Variants in AQP12B observed in about 807,000 individuals in gnomAD.
AQP12B encodes the protein aquaporin 12B, also known as putative aquaporin-12B.
AQP12B carries 8 observed loss-of-function variants against 11.5 expected under a neutral mutation model. The ratio of observed to expected loss-of-function variants is 0.70; its 90% CI spans 0.41 to 1.26. The LOEUF is 1.26. Among genes scored for constraint, AQP12B ranks in the 50% most tolerant of loss-of-function variants. The pLI is 0.01. For missense variants in AQP12B, 247 were observed against 322.0 expected, an observed-to-expected ratio of 0.77 and a Z score of 1.78; for synonymous variants, 123 against 158.0, an observed-to-expected ratio of 0.78 and a Z score of 1.66.
chr2:240,682,844 G>T lies in AQP12B; in HGVS notation c.-7C>A, dbSNP rs746086433. 22 of 1,574,994 alleles carry T rather than the reference G, an allele frequency of 1.4e-5. 1 individual carries two copies. The highest frequency in any genetic ancestry group is 1.8e-4 in the Middle Eastern group (1 of 5,620). Reference sequence around the variant, plus strand: ...ACACGTTAAGACCTGCCATCGGCCTGGGCCCCCCGAGATGCTGTGCCTGCA... The same window carrying T: ...ACACGTTAAGACCTGCCATCGGCCTTGGCCCCCCGAGATGCTGTGCCTGCA... On this transcript the variant is annotated 5_prime_UTR_variant, in exon 1 of 3. Transcript: ENST00000407834.
Position 240,682,516 on chromosome 2 carries a change from G to C in AQP12B, c.322C>G (p.Leu108Val), listed in dbSNP as rs776450045. The change falls in exon 1 of 3, where the codon CTG becomes GTG. Residue 108 changes from leucine (L) to valine (V), a missense_variant. Leu to Val is a conservative substitution (Grantham distance 32, BLOSUM62 1). This residue lies in a region of AQP12B where 206 missense variants were observed against 173.2 expected (regional missense o/e 1.19). Transcript: ENST00000407834. ...GCCAGCTTCAGCAGCGTGCCAGGCA[G>C]AGACTCCTCGGCCATGAGGAACTCC... ...LQEFLMAEES[L>V]PGTLLKLAAQ... The C allele has an allele frequency of 2.4e-5, 39 of 1,612,564 alleles. No homozygotes were observed. The highest frequency in any genetic ancestry group is 3.3e-5 in the Non-Finnish European group (39 of 1,179,744).
chr2:240,683,176 A>C (rs1968424), upstream of AQP12B, among the ~76,000 whole-genome samples: 102,280 of 138,314 alleles, frequency 0.74, 37,086 homozygotes, highest in Middle Eastern at 0.84. Flanking sequence ...GCTCTTGGGT[A>C]CCGGACCCCA....
intron 1 of AQP12B, among the ~76,000 whole-genome samples, chr2:240,680,899 CAGAG>C (rs922471411): frequency 1.6e-5 from 1 of 63,922 alleles, no homozygotes; most frequent in Non-Finnish European, 2.7e-5. Flanking sequence ...AGAGGAGAGA[CAGAG>C]AGAGAGAGGA....
Position 240,682,524 on chromosome 2 carries a change from T to C in AQP12B, c.314A>G (p.Glu105Gly), listed in dbSNP as rs2043944383. The change falls in exon 1 of 3, where the codon GAG becomes GGG. Residue 105 changes from glutamate to glycine, a missense_variant. Glu to Gly is a moderately conservative substitution (Grantham distance 98, BLOSUM62 -2). This residue lies in a region of AQP12B where 206 missense variants were observed against 173.2 expected (regional missense o/e 1.19). Coordinates refer to ENST00000407834, the MANE Select transcript of AQP12B (RefSeq NM_001102467.2). ...TVSLQEFLMA[E>G]ESLPGTLLKL... ...CAGCAGCGTGCCAGGCAGAGACTCC[T>C]CGGCCATGAGGAACTCCTGCAGGGA... The C allele has an allele frequency of 6.2e-7, 1 of 1,612,892 alleles. No homozygotes were observed. Among genetic ancestry groups the C allele is most frequent in the East Asian group, 2.2e-5 (1 of 44,852 alleles).
upstream of AQP12B, among the ~76,000 whole-genome samples, chr2:240,683,107 C>T (rs969222221): frequency 2.2e-4 from 34 of 151,420 alleles, no homozygotes; most frequent in African/African-American, 7.7e-4. Context: ...CAGCCCTGGG[C>T]GCTGGAGACT....
At chr2:240,680,943 G>A in intron 1 of AQP12B, among the ~76,000 whole-genome samples, 1 of 89,696 alleles carries the variant, frequency 1.1e-5, no homozygotes, top group Non-Finnish European at 2.0e-5. Context: ...GAGACAGAGA[G>A]AGAGAGGAGA....
chr2:240,682,990 A>G (rs371158712), upstream of AQP12B: 36 of 967,602 alleles, frequency 3.7e-5, no homozygotes, highest in South Asian at 2.8e-4. Flanking sequence ...CTCCCGCCCC[A>G]CTGGCTGCCA....
intron 2 of AQP12B, chr2:240,679,423 G>A: frequency 3.5e-6 from 1 of 286,738 alleles, no homozygotes; most frequent in Non-Finnish European, 6.3e-6. Context: ...CTAGGACCCT[G>A]CACATGCCTG....
At chr2:240,683,589 C>T (rs2043975846), upstream of AQP12B, among the ~76,000 whole-genome samples, 5 of 151,618 alleles carry the variant, frequency 3.3e-5, no homozygotes, top group South Asian at 1.0e-3. Flanking sequence ...ATTCTTGGCT[C>T]CCTGCACCTC....
In AQP12B at chr2:240,682,721, C is replaced by T; in HGVS notation, c.117G>A (p.Arg39=). Residue 39 remains arginine (R), a synonymous_variant, in exon 1 of 3, where the codon CGG becomes CGA. Transcript: ENST00000407834. Reference sequence around the variant, plus strand: ...CGAGCTGCACCGCGCCCACCGCCTCCCGGGCGAAGACTTCATAGGCGCCCA... The same window carrying T: ...CGAGCTGCACCGCGCCCACCGCCTCTCGGGCGAAGACTTCATAGGCGCCCA... ...LPVGAYEVFA[R]EAVGAVQLGA... 9 of 1,613,532 alleles carry T rather than the reference C, an allele frequency of 5.6e-6. No homozygotes were observed. Among genetic ancestry groups the T allele is most frequent in the Non-Finnish European group, 7.6e-6 (9 of 1,179,796 alleles).
rs560641543 is a variant in AQP12B, at chr2:240,682,704, A to C, written c.134T>G (p.Val45Gly). The C allele has an allele frequency of 6.2e-7, 1 of 1,613,062 alleles. No individual in the cohort carries two copies. ...CTCCAGGAAGCAGGCCCCGAGCTGC[A>C]CCGCGCCCACCGCCTCCCGGGCGAA... ...EVFAREAVGA[V>G]QLGACFLEMR... Residue 45 changes from valine (V) to glycine (G), a missense_variant, in exon 1 of 3, where the codon GTG becomes GGG. Transcript: ENST00000407834.
At chr2:240,682,999 C>A, upstream of AQP12B, 1 of 885,878 alleles carries the variant, frequency 1.1e-6, no homozygotes, top group South Asian at 1.7e-5. Context: ...CACTGGCTGC[C>A]ACCCAGGTGC....
rs1200033519 is a variant in AQP12B at position 240,682,559 on chromosome 2, G to A, written c.279C>T (p.Asn93=). The change falls in exon 1 of 3, where the codon AAC becomes AAT. Residue 93 remains asparagine, a synonymous_variant. Transcript: ENST00000407834. ...GGAACTCCTGCAGGGACACGGTGGGGTTGGCCGAGGCCCCGTCCAAGGTGA... is the reference window on the plus strand; with the variant it reads ...GGAACTCCTGCAGGGACACGGTGGGATTGGCCGAGGCCCCGTCCAAGGTGA... ...HGVTLDGASA[N]PTVSLQEFLM... 2 of 1,613,322 alleles carry A rather than the reference G, an allele frequency of 1.2e-6. No individual in the cohort carries two copies. The highest frequency in any genetic ancestry group is 8.5e-7 in the Non-Finnish European group (1 of 1,179,838).
upstream of AQP12B, among the ~76,000 whole-genome samples, chr2:240,683,577 T>C (rs1169216830): frequency 6.6e-6 from 1 of 151,694 alleles, no homozygotes; most frequent in Non-Finnish European, 1.5e-5. Context: ...GAAGGTCCTC[T>C]CATTCTTGGC....
chr2:240,682,976 C>G, upstream of AQP12B: 1 of 1,105,254 alleles, frequency 9.0e-7, no homozygotes, highest in Non-Finnish European at 1.3e-6. Flanking sequence ...AGCTGCAGCC[C>G]CAGCTCCCGC....
In AQP12B at chr2:240,682,880, G is replaced by C. The variant is rs1276896326; in HGVS notation, c.-43C>G. ...GATGCTGTGCCTGCAGGACACCTGA[G>C]GGGACAGAGCAGGAGCTGGCCGGTT... On this transcript the variant is annotated 5_prime_UTR_variant, in exon 1 of 3. Coordinates refer to ENST00000407834, the MANE Select transcript of AQP12B (RefSeq NM_001102467.2). 1.3e-6 allele frequency: 2 copies of C among 1,564,724 alleles called. 1 individual carries two copies. Among genetic ancestry groups the C allele is most frequent in the Non-Finnish European group, 1.7e-6 (2 of 1,152,828 alleles).
intron 1 of AQP12B, 94 bp downstream of exon 1, chr2:240,682,137 C>T: frequency 1.6e-6 from 1 of 635,700 alleles, no homozygotes; most frequent in South Asian, 2.0e-5. Context: ...GGCCAGCAGC[C>T]CCCTATCCTG....
At position 240,682,357 on chromosome 2, in the gene AQP12B, G is replaced by A. The variant is rs2043934049; in HGVS notation, c.481C>T (p.His161Tyr). The stretch of plus-strand genomic sequence containing the variant: ...CAGGCGGCCTCCACAAGCGCCCCGT[G>A]GGGCACGGATGTGCGCAGGGCCGAG... ...CSSALRTSVPHGALVEAACAF... is the reference protein window; with the variant it reads ...CSSALRTSVPYGALVEAACAF... The change falls in exon 1 of 3, where the codon CAC becomes TAC. Residue 161 changes from histidine (H) to tyrosine (Y), a missense_variant. Around this residue, in one of 4 missense-constraint regions of AQP12B, gnomAD observed 26 missense variants for 48.3 expected, o/e 0.54. Coordinates refer to ENST00000407834, the MANE Select transcript of AQP12B (RefSeq NM_001102467.2). The A allele has an allele frequency of 6.6e-7, 1 of 1,523,688 alleles. No individual in the cohort carries two copies. Among genetic ancestry groups the A allele is most frequent in the African/African-American group, 1.4e-5 (1 of 70,748 alleles). 94.4% of individuals were successfully genotyped at this position (1,523,688 alleles called of 1,614,324 possible).
rs566733461 is a variant in AQP12B, at chr2:240,682,621, G to C, written c.217C>G (p.Leu73Val). Residue 73 changes from leucine to valine, a missense_variant, in exon 1 of 3, where the codon CTC becomes GTC. Leu to Val is a conservative substitution (Grantham distance 32). Transcript: ENST00000407834. The part of the protein sequence containing the change: ...WAGDFGPDLL[L>V]TLLFLLFLAH... ...AGGAAGAGCAGGAAGAGCAGGGTGA[G>C]CAGCAGGTCAGGCCCAAAGTCCCCA... 6.2e-7 allele frequency: 1 copy of C among 1,613,466 alleles called. No homozygotes were observed. Among genetic ancestry groups the C allele is most frequent in the East Asian group, 2.2e-5 (1 of 44,860 alleles).
Sources: allele counts gnomAD v4.1 joint callset (sites outside exome capture counted in the v4.1 genomes callset), GRCh38; gene constraint gnomAD v4.1.1; regional missense constraint gnomAD v4.1.1; transcripts MANE v1.5; gene names NCBI Gene and HGNC (gene_info 2026-07-23, HGNC 2026-07-21).